The following OPCML variants were observed in gnomAD, a reference collection of about 807,000 sequenced individuals.
OPCML encodes the protein opioid-binding protein/cell adhesion molecule.
A neutral mutation model predicts 37.8 loss-of-function variants in OPCML; 13 were observed. That is an observed-to-expected ratio of 0.34 (90% CI 0.22 to 0.55). The LOEUF (loss-of-function observed/expected upper bound fraction) is 0.55, where lower values mean the gene tolerates loss of function less well. Ranked by LOEUF, OPCML falls within the 20% of genes least tolerant of loss-of-function variation. The pLI is 0.91. For synonymous variants in OPCML, 176 were observed against 168.8 expected (o/e 1.04, Z -0.33); for missense variants, 341 against 435.6 (o/e 0.78, Z 1.93).
intron 3 of OPCML, among the ~76,000 whole-genome samples, chr11:132,591,862 G>A (rs1283028898): frequency 6.6e-6 from 1 of 152,196 alleles, no homozygotes; most frequent in African/African-American, 2.4e-5. Flanking sequence ...TATAAAGATA[G>A]GAAGAAAGAT....
chr11:132,944,013 C>A (rs1469519552), intron 1 of OPCML, among the ~76,000 whole-genome samples: 5 of 151,828 alleles, frequency 3.3e-5, no homozygotes, highest in Non-Finnish European at 5.9e-5. Context: ...TGGCGGGCGG[C>A]GCGGACTGCG....
At chr11:133,158,061 C>T (rs1950086612) in intron 1 of OPCML, among the ~76,000 whole-genome samples, 1 of 152,174 alleles carries the variant, frequency 6.6e-6, no homozygotes, top group African/African-American at 2.4e-5. Context: ...CTTCAATGTG[C>T]ATTTGGAACT....
At chr11:133,467,942 C>G (rs531129405) in intron 1 of OPCML, among the ~76,000 whole-genome samples, 6 of 152,172 alleles carry the variant, frequency 3.9e-5, no homozygotes, top group Non-Finnish European at 8.8e-5. Context: ...AGATCTGAGT[C>G]TTCTCCTCCT....
At chr11:133,006,217 G>A (rs978924041) in intron 1 of OPCML, 26 of 705,526 alleles carry the variant, frequency 3.7e-5, no homozygotes, top group Admixed American at 2.5e-4. Context: ...CTGGCCCCTC[G>A]TCTTCCTGCG....
chr11:133,458,010 G>T (rs374547501), intron 1 of OPCML, among the ~76,000 whole-genome samples: 1 of 151,940 alleles, frequency 6.6e-6, no homozygotes, highest in East Asian at 1.9e-4. Flanking sequence ...GCTGGGCATG[G>T]TGACATGCAC....
Position 132,468,857 on chromosome 11 carries a change from T to C in OPCML, c.506-31498A>G, listed in dbSNP as rs2096127211. Among the ~76,000 whole-genome samples, 2 of 152,088 alleles carry C rather than the reference T, an allele frequency of 1.3e-5. 1 individual carries two copies. The highest frequency in any genetic ancestry group is 1.3e-4 in the Admixed American group (2 of 15,260). On this transcript the variant is annotated intron_variant, in intron 4 of 7. Transcript: ENST00000524381. ...CAAAACTACATATACCTCCCAGAAC[T>C]CTCCTGCACTCTAAAATCATGGATC...
At chr11:132,608,012 A>G (rs76523065) in intron 3 of OPCML, among the ~76,000 whole-genome samples, 2,651 of 152,268 alleles carry the variant, frequency 0.017, 65 homozygotes, top group African/African-American at 0.06. Flanking sequence ...AAATAATTTG[A>G]ATGTTTCTCG....
At chr11:132,618,951 GCATACACACA>G (rs1358612857) in intron 3 of OPCML, among the ~76,000 whole-genome samples, 1 of 103,562 alleles carries the variant, frequency 9.7e-6, no homozygotes, top group East Asian at 2.4e-4. Context: ...ACAAGCACAC[GCATACACACA>G]CACACACACA....
chr11:133,476,922 A>G (rs1223932763), intron 1 of OPCML, among the ~76,000 whole-genome samples: 1 of 152,118 alleles, frequency 6.6e-6, no homozygotes, highest in Non-Finnish European at 1.5e-5. Context: ...GAAGCCATGT[A>G]TTGTTTTCCC....
intron 1 of OPCML, chr11:133,024,854 A>G (rs1031171753): frequency 2.0e-6 from 2 of 985,322 alleles, no homozygotes; most frequent in Non-Finnish European, 1.2e-6. Context: ...ACCTGCTTTC[A>G]TGTCCCTTCT....
At chr11:133,427,717 G>T (rs769395076) in intron 1 of OPCML, among the ~76,000 whole-genome samples, 44 of 151,764 alleles carry the variant, frequency 2.9e-4, no homozygotes, top group Non-Finnish European at 4.9e-4. Flanking sequence ...AAACTATCAA[G>T]TTTTTTTTAA....
intron 2 of OPCML, among the ~76,000 whole-genome samples, chr11:132,787,967 G>A (rs369608127): frequency 6.0e-4 from 91 of 152,238 alleles, no homozygotes; most frequent in Middle Eastern, 3.4e-3. Flanking sequence ...TGCAACCTCC[G>A]CCTCCTGGGT....
intron 7 of OPCML, among the ~76,000 whole-genome samples, chr11:132,423,120 A>G (rs1173211758): frequency 1.3e-5 from 2 of 152,174 alleles, no homozygotes; most frequent in African/African-American, 4.8e-5. Flanking sequence ...AACCGTCAAC[A>G]CGTGCCTTTT....
At position 132,600,166 on chromosome 11, in the gene OPCML, G is replaced by A. The variant is rs1188017387; in HGVS notation, c.379+56921C>T. On this transcript the variant is annotated intron_variant, in intron 3 of 7. Transcript: ENST00000524381. ...CTTGACTGAACCCTGGTGCTCCCAT[G>A]CCATAATTTGGAAAACTCAAAGAAC... Among the ~76,000 whole-genome samples the A allele has an allele frequency of 2.0e-5, 3 of 152,232 alleles. No homozygotes were observed. The South Asian group carries it at 6.2e-4, about 32-fold the overall frequency.
At position 132,922,591 on chromosome 11, in the gene OPCML, A is replaced by G. The variant is rs527360830; in HGVS notation, c.146+20335T>C. ...GCTTCCCTTCCTTTCAGAAGCCAAA[A>G]TTCTTCACTCTCCTGCATTCCATGG... On this transcript the variant is annotated intron_variant, in intron 2 of 7. Coordinates refer to ENST00000524381, the MANE Select transcript of OPCML (RefSeq NM_001012393.5). 3.9e-5 allele frequency among the ~76,000 whole-genome samples: 6 copies of G among 152,170 alleles called. No individual in the cohort carries two copies. The South Asian group carries it at 1.2e-3, about 32-fold the overall frequency.
intron 4 of OPCML, among the ~76,000 whole-genome samples, chr11:132,456,446 G>T (rs547256310): frequency 6.6e-6 from 1 of 152,320 alleles, no homozygotes; most frequent in Non-Finnish European, 1.5e-5. Context: ...GGATTTTAAT[G>T]AGAAGAAATT....
At chr11:132,578,953 C>A (rs1350138175) in intron 3 of OPCML, among the ~76,000 whole-genome samples, 1 of 152,030 alleles carries the variant, frequency 6.6e-6, no homozygotes, top group African/African-American at 2.4e-5. Context: ...GCCTCCCACA[C>A]CTGCCCCTTT....
intron 1 of OPCML, among the ~76,000 whole-genome samples, chr11:133,143,132 A>C (rs1949849348): frequency 6.6e-6 from 1 of 152,076 alleles, no homozygotes; most frequent in Non-Finnish European, 1.5e-5. Flanking sequence ...GATGGATGTG[A>C]GGAGGAAGCA....
At chr11:132,903,728 A>C (rs528189807) in intron 2 of OPCML, among the ~76,000 whole-genome samples, 2 of 152,300 alleles carry the variant, frequency 1.3e-5, no homozygotes, top group South Asian at 4.1e-4. Context: ...GCCAAAGTTA[A>C]AATAGTGGAA....
Sources: gnomAD v4.1 joint callset for allele counts (sites outside exome capture counted in the v4.1 genomes callset) on GRCh38, gnomAD v4.1.1 for gene constraint, MANE v1.5 for transcripts, NCBI Gene and HGNC (gene_info 2026-07-23, HGNC 2026-07-21) for gene names.